The following PDZRN4 variants were observed in gnomAD, a reference collection of about 807,000 sequenced individuals.
The protein encoded by PDZRN4 is PDZ domain-containing RING finger protein 4.
Under a neutral mutation model 99.0 loss-of-function variants are expected in PDZRN4, and 70 were observed. That is an observed-to-expected ratio of 0.71 (90% CI 0.58 to 0.86). The LOEUF is 0.86. PDZRN4 is among the 40% of genes least tolerant of loss of function. The pLI, the probability that PDZRN4 is intolerant of heterozygous loss-of-function variation, is 0.00. For synonymous variants in PDZRN4, 551 were observed against 501.6 expected, an observed-to-expected ratio of 1.10 and a Z score of -1.32; for missense variants, 1,474 against 1,331.2, an observed-to-expected ratio of 1.11 and a Z score of -1.67.
intron 3 of PDZRN4, among the ~76,000 whole-genome samples, chr12:41,230,919 C>G (rs900734281): frequency 1.4e-4 from 22 of 152,006 alleles, no homozygotes; most frequent in African/African-American, 5.3e-4. Flanking sequence ...CAGTCACATT[C>G]AAAAATAACA....
chr12:41,373,290 A>G (rs1171536092), intron 3 of PDZRN4, among the ~76,000 whole-genome samples: 1 of 152,130 alleles, frequency 6.6e-6, no homozygotes, highest in Non-Finnish European at 1.5e-5. Flanking sequence ...TTGAGCGCAG[A>G]CAGCCAGCCG....
At chr12:41,298,845 T>C (rs76350613) in intron 3 of PDZRN4, among the ~76,000 whole-genome samples, 2,196 of 152,280 alleles carry the variant, frequency 0.014, 21 homozygotes, top group Middle Eastern at 0.037. Flanking sequence ...ATTCTTTTTC[T>C]TTGAGAAAGC....
At chr12:41,322,542 G>A (rs1309894560) in intron 3 of PDZRN4, among the ~76,000 whole-genome samples, 2 of 123,862 alleles carry the variant, frequency 1.6e-5, no homozygotes, top group African/African-American at 6.0e-5. Flanking sequence ...CCAGGCTGGA[G>A]TTCAGTGGCA....
chr12:41,302,805 C>T (rs941170644), intron 3 of PDZRN4, among the ~76,000 whole-genome samples: 4 of 152,006 alleles, frequency 2.6e-5, no homozygotes, highest in Non-Finnish European at 4.4e-5. Flanking sequence ...TAATGGATGA[C>T]ATGAGATGTA....
chr12:41,348,772 T>G (rs1951871723), intron 3 of PDZRN4, among the ~76,000 whole-genome samples: 1 of 151,998 alleles, frequency 6.6e-6, no homozygotes, highest in Non-Finnish European at 1.5e-5. Context: ...TATACAAGAA[T>G]GACAGACAAG....
chr12:41,246,239 A>G (rs1951132945), intron 3 of PDZRN4, among the ~76,000 whole-genome samples: 1 of 152,206 alleles, frequency 6.6e-6, no homozygotes, highest in African/African-American at 2.4e-5. Context: ...TCAGCAATGA[A>G]TATGATTTTG....
chr12:41,554,669 A>C (rs1336642534), intron 6 of PDZRN4, among the ~76,000 whole-genome samples: 4 of 152,148 alleles, frequency 2.6e-5, no homozygotes, highest in Non-Finnish European at 5.9e-5. Context: ...GTAAGTCATC[A>C]CTCAAGTTTA....
chr12:41,512,511 G>A (rs1441312581), intron 5 of PDZRN4, among the ~76,000 whole-genome samples: 1 of 152,064 alleles, frequency 6.6e-6, no homozygotes, highest in Non-Finnish European at 1.5e-5. Flanking sequence ...AAGCATGCTG[G>A]GGTGTACAAG....
intron 3 of PDZRN4, among the ~76,000 whole-genome samples, chr12:41,305,743 C>T (rs1181941131): frequency 6.6e-6 from 1 of 152,160 alleles, no homozygotes; most frequent in African/African-American, 2.4e-5. Context: ...GAGCATTGAA[C>T]CAATAGCATT....
chr12:41,528,105 C>G (rs1366026357), intron 5 of PDZRN4, among the ~76,000 whole-genome samples: 1 of 152,152 alleles, frequency 6.6e-6, no homozygotes, highest in Non-Finnish European at 1.5e-5. Context: ...ACAGTAGTGC[C>G]TACTTCTAAA....
At chr12:41,330,446 T>A (rs575723669) in intron 3 of PDZRN4, among the ~76,000 whole-genome samples, 3 of 145,694 alleles carry the variant, frequency 2.1e-5, no homozygotes, top group South Asian at 2.1e-4. Flanking sequence ...GATATTAAAA[T>A]CAGTTTAAAT....
intron 3 of PDZRN4, among the ~76,000 whole-genome samples, chr12:41,262,473 A>G (rs141450060): frequency 0.017 from 2,608 of 152,230 alleles, 68 homozygotes; most frequent in African/African-American, 0.06. Flanking sequence ...TAAGTGAGGG[A>G]GCTGGAAAAA....
chr12:41,296,496 A>G (rs1214796738), intron 3 of PDZRN4, among the ~76,000 whole-genome samples: 1 of 152,186 alleles, frequency 6.6e-6, no homozygotes, highest in Non-Finnish European at 1.5e-5. Flanking sequence ...AAAAATTCCC[A>G]AGAAAGCTTT....
intron 3 of PDZRN4, among the ~76,000 whole-genome samples, chr12:41,313,407 C>T (rs1215043100): frequency 2.0e-5 from 3 of 152,110 alleles, no homozygotes; most frequent in Non-Finnish European, 4.4e-5. Flanking sequence ...AGCAATGTTC[C>T]TACTAACAAG....
At chr12:41,465,404 T>A (rs1252065394) in intron 3 of PDZRN4, among the ~76,000 whole-genome samples, 5 of 152,238 alleles carry the variant, frequency 3.3e-5, no homozygotes, top group Admixed American at 6.5e-5. Flanking sequence ...TTATTTTTTT[T>A]AAACTCTTTT....
chr12:41,407,599 G>C (rs1036039576), intron 3 of PDZRN4, among the ~76,000 whole-genome samples: 1 of 151,966 alleles, frequency 6.6e-6, no homozygotes, highest in Non-Finnish European at 1.5e-5. Flanking sequence ...TGTGATTCTC[G>C]TGCCAGCTTA....
chr12:41,193,969 A>T (rs945425513), intron 2 of PDZRN4, 112 bp from the exon 3 acceptor site: 1 of 621,364 alleles, frequency 1.6e-6, no homozygotes, highest in African/African-American at 1.9e-5. Context: ...ATCCCCAGCT[A>T]AGAGAGTTGC....
intron 3 of PDZRN4, among the ~76,000 whole-genome samples, chr12:41,457,985 A>C (rs1952830907): frequency 6.6e-6 from 1 of 152,144 alleles, no homozygotes; most frequent in African/African-American, 2.4e-5. Context: ...AAGAGCAGGG[A>C]AAAGGGAGGG....
chr12:41,436,518 C>T (rs1423582752), intron 3 of PDZRN4, among the ~76,000 whole-genome samples: 1 of 152,158 alleles, frequency 6.6e-6, no homozygotes, highest in East Asian at 1.9e-4. Flanking sequence ...TAACCAGAGT[C>T]GTCAGTTTCC....
Sources: allele counts gnomAD v4.1 joint callset (sites outside exome capture counted in the v4.1 genomes callset), GRCh38; gene constraint gnomAD v4.1.1; transcripts MANE v1.5; gene names NCBI Gene and HGNC (gene_info 2026-07-23, HGNC 2026-07-21).